The following GRID2 variants were observed in gnomAD, a reference collection of about 807,000 sequenced individuals.
GRID2 encodes glutamate receptor ionotropic, delta-2.
Under a neutral mutation model 114.8 loss-of-function variants are expected in GRID2, and 33 were observed. The ratio of observed to expected loss-of-function variants is 0.29; its 90% CI spans 0.22 to 0.38. GRID2 has a LOEUF of 0.38. GRID2 is among the 10% of genes least tolerant of loss of function. The pLI, the probability that GRID2 is intolerant of heterozygous loss-of-function variation, is 1.00. For missense variants in GRID2, 1,184 were observed against 1,257.7 expected, an observed-to-expected ratio of 0.94 and a Z score of 0.89; for synonymous variants, 505 against 449.9, an observed-to-expected ratio of 1.12 and a Z score of -1.55.
intron 2 of GRID2, among the ~76,000 whole-genome samples, chr4:93,044,311 A>T (rs1454713718): frequency 6.6e-6 from 1 of 152,124 alleles, no homozygotes; most frequent in Non-Finnish European, 1.5e-5. Flanking sequence ...CAATTTATAT[A>T]TTACATTTGA....
At chr4:93,067,496 A>C (rs1728404999) in intron 2 of GRID2, among the ~76,000 whole-genome samples, 1 of 151,956 alleles carries the variant, frequency 6.6e-6, no homozygotes, top group South Asian at 2.1e-4. Context: ...CATTGAAGTT[A>C]TTTCATCAGG....
At chr4:93,335,878 C>G (rs1329288199) in intron 8 of GRID2, among the ~76,000 whole-genome samples, 1 of 151,872 alleles carries the variant, frequency 6.6e-6, no homozygotes, top group African/African-American at 2.4e-5. Context: ...TTTGTAGAGA[C>G]AGGGTTTCAC....
chr4:93,536,642 GA>G (rs1732109852), intron 13 of GRID2, among the ~76,000 whole-genome samples: 1 of 127,954 alleles, frequency 7.8e-6, no homozygotes, highest in Non-Finnish European at 1.7e-5. Flanking sequence ...TGATATTTTT[GA>G]CTTCTTTTTT....
intron 2 of GRID2, among the ~76,000 whole-genome samples, chr4:92,824,516 T>C (rs1350183131): frequency 2.0e-5 from 3 of 152,056 alleles, no homozygotes; most frequent in African/African-American, 4.8e-5. Flanking sequence ...TTAACATATG[T>C]TTCTGAAAAT....
intron 2 of GRID2, among the ~76,000 whole-genome samples, chr4:92,734,889 C>G (rs1005712406): frequency 6.6e-6 from 1 of 151,060 alleles, no homozygotes; most frequent in Admixed American, 6.6e-5. Context: ...ATGTGACCCT[C>G]TCAACTCAGC....
intron 2 of GRID2, among the ~76,000 whole-genome samples, chr4:93,040,652 G>T (rs1400295961): frequency 6.6e-6 from 1 of 151,958 alleles, no homozygotes; most frequent in Admixed American, 6.6e-5. Context: ...TGAGTCACTG[G>T]GTATTTTAAC....
At chr4:92,593,899 G>A (rs1317580013) in intron 2 of GRID2, among the ~76,000 whole-genome samples, 4 of 147,118 alleles carry the variant, frequency 2.7e-5, no homozygotes, top group African/African-American at 1.0e-4. Context: ...CTAGGATGTA[G>A]TGTTCTCCGT....
intron 1 of GRID2, among the ~76,000 whole-genome samples, chr4:92,515,818 G>A (rs938836595): frequency 3.3e-5 from 5 of 151,828 alleles, no homozygotes; most frequent in African/African-American, 7.3e-5. Flanking sequence ...TTTGTTTGTC[G>A]ATGTTACCTA....
intron 2 of GRID2, among the ~76,000 whole-genome samples, chr4:93,042,318 T>TAC (rs1560821511): frequency 1.1e-4 from 15 of 141,822 alleles, no homozygotes; most frequent in African/African-American, 4.0e-4. Context: ...TATATATATA[T>TAC]ACACCTATTT....
chr4:93,110,787 A>G lies in GRID2; in HGVS notation c.569A>G (p.Gln190Arg), dbSNP rs1732687373. 2 of 1,613,180 alleles carry G rather than the reference A, an allele frequency of 1.2e-6. No homozygotes were observed. Among genetic ancestry groups the G allele is most frequent in the Non-Finnish European group, 1.7e-6 (2 of 1,179,098 alleles). Residue 190 changes from glutamine to arginine, a missense_variant, in exon 4 of 16, where the codon CAG (glutamine) becomes CGG (arginine). Transcript: ENST00000282020. ...GIQEFLDKVS[Q>R]QGMDVALQKV... ...CAGGAGTTCTTGGACAAAGTCTCTC[A>G]GCAGGGAATGGATGTTGCACTTCAG...
At chr4:93,778,182 G>A (rs530485992), downstream of GRID2, among the ~76,000 whole-genome samples, 2 of 152,050 alleles carry the variant, frequency 1.3e-5, no homozygotes, top group African/African-American at 4.8e-5. Flanking sequence ...GGAGGCAAGG[G>A]TATCAGTATC....
rs534122905 is a variant in GRID2, at chr4:93,430,472, C to T, written c.1545+7504C>T. On this transcript the variant is annotated intron_variant, in intron 10 of 15. Coordinates refer to ENST00000282020, the MANE Select transcript of GRID2 (RefSeq NM_001510.4). ...CTAGAATTACTGGCATGAGCCACTG[C>T]GCCCTGCCTATAAATATTTCAAAAC... 6.6e-5 allele frequency among the ~76,000 whole-genome samples: 10 copies of T among 152,370 alleles called. No homozygotes were observed. In the South Asian group the frequency reaches 1.7e-3, roughly 25 times the overall value.
intron 2 of GRID2, among the ~76,000 whole-genome samples, chr4:93,042,674 T>C (rs1464659993): frequency 5.5e-5 from 8 of 144,456 alleles, no homozygotes. Context: ...TCTCTCTCTA[T>C]ATATCTATAT....
At chr4:93,324,221 C>T (rs1757576054) in intron 8 of GRID2, among the ~76,000 whole-genome samples, 1 of 152,066 alleles carries the variant, frequency 6.6e-6, no homozygotes, top group Admixed American at 6.6e-5. Flanking sequence ...ATATACATCC[C>T]ATCAATAACT....
intron 2 of GRID2, among the ~76,000 whole-genome samples, chr4:93,065,954 A>G (rs1288864164): frequency 6.6e-6 from 1 of 151,914 alleles, no homozygotes; most frequent in Non-Finnish European, 1.5e-5. Flanking sequence ...GCTCTAAGAT[A>G]TACTAACTCA....
intron 2 of GRID2, among the ~76,000 whole-genome samples, chr4:93,068,888 C>T (rs1560845373): frequency 1.3e-5 from 2 of 151,950 alleles, no homozygotes; most frequent in Non-Finnish European, 2.9e-5. Flanking sequence ...CATGGTTCTG[C>T]AGGCTATACA....
rs553424948 is a variant in GRID2 at position 92,324,314 on chromosome 4, C to A, written c.88+19570C>A. The stretch of plus-strand genomic sequence containing the variant: ...TTTCCTACTGTCTCTCCTGCCCATC[C>A]TTTCTCTCTGTCCCCAGGCTCAGAT... On this transcript the variant is annotated intron_variant, in intron 1 of 15. Transcript: ENST00000282020. Among the ~76,000 whole-genome samples, 20 of 152,124 alleles carry A rather than the reference C, an allele frequency of 1.3e-4. 1 individual carries two copies. In the East Asian group the frequency reaches 3.1e-3, roughly 23 times the overall value.
At chr4:92,875,609 T>A (rs967067944) in intron 2 of GRID2, among the ~76,000 whole-genome samples, 1 of 152,146 alleles carries the variant, frequency 6.6e-6, no homozygotes, top group Non-Finnish European at 1.5e-5. Flanking sequence ...AGAATATTAT[T>A]TTGAAGAAAA....
At chr4:93,248,023 C>T (rs1748398486) in intron 8 of GRID2, among the ~76,000 whole-genome samples, 1 of 152,032 alleles carries the variant, frequency 6.6e-6, no homozygotes, top group African/African-American at 2.4e-5. Context: ...TTCCTTCCCA[C>T]TCTACTAGAG....
Sources: gnomAD v4.1 joint callset for allele counts (sites outside exome capture counted in the v4.1 genomes callset) on GRCh38, gnomAD v4.1.1 for gene constraint, MANE v1.5 for transcripts, NCBI Gene and HGNC (gene_info 2026-07-23, HGNC 2026-07-21) for gene names.